Variants in CSNK1D observed in about 807,000 individuals in gnomAD.
CSNK1D encodes the protein casein kinase I isoform delta.
Under a neutral mutation model 46.6 loss-of-function variants are expected in CSNK1D, and 16 were observed. That is an observed-to-expected ratio of 0.34 (90% CI 0.23 to 0.52). CSNK1D has a LOEUF of 0.52. Among genes scored for constraint, CSNK1D ranks in the 20% least tolerant of loss-of-function variants. The pLI is 0.95. For synonymous variants in CSNK1D, 276 were observed against 228.2 expected (o/e 1.21, Z -1.89); for missense variants, 398 against 578.4 (o/e 0.69, Z 3.20).
chr17:82,253,285 G>T, intron 3 of CSNK1D, 41 bp from the exon 4 acceptor site: 1 of 1,507,446 alleles, frequency 6.6e-7, no homozygotes, highest in Non-Finnish European at 9.2e-7. Flanking sequence ...CCCCAGGGCA[G>T]TCTCAGGGAG....
chr17:82,241,877 G>C (rs891898584), downstream of CSNK1D, among the ~76,000 whole-genome samples: 1 of 152,230 alleles, frequency 6.6e-6, no homozygotes, highest in Non-Finnish European at 1.5e-5. Context: ...CACAGGCAGA[G>C]TTGGCGGGAC....
intron 2 of CSNK1D, among the ~76,000 whole-genome samples, chr17:82,261,633 A>G (rs1010990663): frequency 2.0e-5 from 3 of 152,248 alleles, no homozygotes; most frequent in African/African-American, 4.8e-5. Context: ...ACAAAGCAAC[A>G]AAAACTTACA....
At chr17:82,267,725 C>T (rs2051513871) in intron 1 of CSNK1D, among the ~76,000 whole-genome samples, 1 of 152,230 alleles carries the variant, frequency 6.6e-6, no homozygotes, top group South Asian at 2.1e-4. Flanking sequence ...CTCAACTCGC[C>T]AGCCGGGAGG....
downstream of CSNK1D, chr17:82,239,054 C>T (rs1275975973): frequency 7.1e-7 from 1 of 1,403,074 alleles, no homozygotes; most frequent in African/African-American, 1.4e-5. Flanking sequence ...ACAAACTGGA[C>T]TGGCTCAGGC....
In CSNK1D at chr17:82,249,515, C is replaced by T. The variant is rs1391596911; in HGVS notation, c.973G>A (p.Gly325Ser). ...CGGCCGGAGGCTGTGGAAGGGAGGC[C>T]GCGGGTAGCCGGGTTCCGCGAGTGT... ...LRHSRNPATRGLPSTASGRLR... is the reference protein window; with the variant it reads ...LRHSRNPATRSLPSTASGRLR... The change falls in exon 7 of 9, where the codon GGC (glycine) becomes AGC (serine). Residue 325 changes from glycine to serine, a missense_variant. Coordinates refer to ENST00000314028, the MANE Select transcript of CSNK1D (RefSeq NM_001893.6). The surrounding 1 kb of genome is among the most constrained non-coding windows in gnomAD (Gnocchi z 6.7). 6.5e-7 allele frequency: 1 copy of T among 1,544,358 alleles called. No individual in the cohort carries two copies. Among genetic ancestry groups the T allele is most frequent in the Non-Finnish European group, 8.7e-7 (1 of 1,146,900 alleles).
At chr17:82,272,237 G>C (rs1044554032) in intron 1 of CSNK1D, 4 of 152,700 alleles carry the variant, frequency 2.6e-5, no homozygotes, top group Non-Finnish European at 5.9e-5. Flanking sequence ...CCAGCTTTTC[G>C]GGAGGCTGAG....
At chr17:82,260,335 G>C (rs1568574855) in intron 2 of CSNK1D, among the ~76,000 whole-genome samples, 1 of 139,060 alleles carries the variant, frequency 7.2e-6, no homozygotes. Flanking sequence ...TGTGACTGAT[G>C]GTGTACTGAC....
intron 8 of CSNK1D, chr17:82,247,719 G>GTGCACGTAAGGGACCCA: frequency 8.1e-6 from 8 of 985,404 alleles, no homozygotes; most frequent in Non-Finnish European, 9.6e-6. Flanking sequence ...GCAGGGTTGT[G>GTGCACGTAAGGGACCCA]TGCACGTAAG....
In CSNK1D at chr17:82,248,588, C is replaced by G. The variant is rs571782473; in HGVS notation, c.1197+287G>C. Reference sequence around the variant, plus strand: ...CTGGGGACGGCTGCGGGCAGCGGGGCACTCAAACAGCAGGAGAAAGCCCCC... The same window carrying G: ...CTGGGGACGGCTGCGGGCAGCGGGGGACTCAAACAGCAGGAGAAAGCCCCC... On this transcript the variant is annotated intron_variant, in intron 8 of 8. Transcript: ENST00000314028. This position sits in a 1 kb window ranked among gnomAD's most constrained non-coding sequence, Gnocchi z 4.1. 1.1e-5 allele frequency: 14 copies of G among 1,276,430 alleles called. No homozygotes were observed. In the South Asian group the frequency reaches 2.0e-4, roughly 19 times the overall value. The allele number at this position is 1,276,430 out of a possible 1,614,324, so 79.1% of individuals were successfully genotyped here. A position where few individuals can be genotyped will look rare whatever the true frequency, so the allele number is the denominator to read the frequency against.
At chr17:82,253,399 A>G (rs2051064044) in intron 3 of CSNK1D, 155 bp from the exon 4 acceptor site, 13 of 714,274 alleles carry the variant, frequency 1.8e-5, no homozygotes, top group Non-Finnish European at 2.8e-5. Flanking sequence ...CGAACTGACC[A>G]AATTGTTCCC....
chr17:82,248,809 CA>C lies in CSNK1D; in HGVS notation c.1197+65del. The C allele has an allele frequency of 1.3e-6, 2 of 1,566,252 alleles. No homozygotes were observed. The highest frequency in any genetic ancestry group is 1.7e-6 in the Non-Finnish European group (2 of 1,155,978). On this transcript the variant is annotated intron_variant, in intron 8 of 8. Transcript: ENST00000314028. This position sits in a 1 kb window ranked among gnomAD's most constrained non-coding sequence, Gnocchi z 4.1. ...GAAAGAAGAAGCCCTGGAGAAACCA[CA>C]GCCCGCTCTTGACTCGGACGGGGTA...
intron 8 of CSNK1D, among the ~76,000 whole-genome samples, chr17:82,245,816 C>T (rs1019505084): frequency 6.6e-6 from 1 of 152,222 alleles, no homozygotes; most frequent in African/African-American, 2.4e-5. Context: ...CGGACTGCCG[C>T]CGCTCTGCAC....
In CSNK1D at chr17:82,273,289, G is replaced by A. The variant is rs747400396; in HGVS notation, c.76+17C>T. 6.3e-7 allele frequency: 1 copy of A among 1,590,766 alleles called. No individual in the cohort carries two copies. Among genetic ancestry groups the A allele is most frequent in the South Asian group, 1.1e-5 (1 of 90,288 alleles). Reference sequence around the variant, plus strand: ...GCCCGGGTCTTCGGGCGGCGGGCGGGGGCGGCGGGGCCTCACCGAGATAGA... The same window carrying A: ...GCCCGGGTCTTCGGGCGGCGGGCGGAGGCGGCGGGGCCTCACCGAGATAGA... On this transcript the variant is annotated intron_variant, in intron 1 of 8. Transcript: ENST00000314028. The surrounding 1 kb of genome is among the most constrained non-coding windows in gnomAD (Gnocchi z 5.1).
In CSNK1D at chr17:82,249,204, G is replaced by T; in HGVS notation, c.1058-190C>A. The T allele has an allele frequency of 1.3e-6, 1 of 791,066 alleles. No homozygotes were observed. Among genetic ancestry groups the T allele is most frequent in the Non-Finnish European group, 2.0e-6 (1 of 506,918 alleles). The allele number at this position is 791,066 out of a possible 1,614,324, so 49.0% of individuals were successfully genotyped here. On this transcript the variant is annotated intron_variant, in intron 7 of 8. Coordinates refer to ENST00000314028, the MANE Select transcript of CSNK1D (RefSeq NM_001893.6). The surrounding 1 kb of genome is among the most constrained non-coding windows in gnomAD (Gnocchi z 6.7). ...AAGGGACATGGGAGCGAGGTCAAGG[G>T]GCTCACAGGGGAGGAACGTGAGATG...
intron 2 of CSNK1D, chr17:82,261,039 GTTTC>G (rs2051327005): frequency 6.5e-6 from 1 of 154,816 alleles, no homozygotes; most frequent in African/African-American, 2.4e-5. Flanking sequence ...CACCTGGCCT[GTTTC>G]TTTTTCCTCC....
Position 82,265,786 on chromosome 17 carries a change from A to C in CSNK1D, c.87T>G (p.Ile29Met). Residue 29 changes from isoleucine (I) to methionine (M), a missense_variant, in exon 2 of 9, where the codon ATT (isoleucine) becomes ATG (methionine). By Grantham distance (10) the Ile-to-Met change is conservative. Around this residue, in one of 2 missense-constraint regions of CSNK1D, gnomAD observed 217 missense variants for 370.3 expected, o/e 0.59. Transcript: ENST00000314028. The stretch of plus-strand genomic sequence containing the variant: ...TGATGGCAACCTCTTCTCCTGCAGC[A>C]ATGTCCGTACCTTGGCAAAGAAAGA... ...SFGDIYLGTD[I>M]AAGEEVAIKL... 3.7e-6 allele frequency: 6 copies of C among 1,613,952 alleles called. No homozygotes were observed. The highest frequency in any genetic ancestry group is 5.1e-6 in the Non-Finnish European group (6 of 1,179,870).
In CSNK1D at chr17:82,244,779, TC is replaced by T. The variant is rs551846940; in HGVS notation, c.*1del. On this transcript the variant is annotated 3_prime_UTR_variant, in exon 9 of 9. Coordinates refer to ENST00000314028, the MANE Select transcript of CSNK1D (RefSeq NM_001893.6). ...TGCCCTTCACAGCAATAAGGAGAGT[TC>T]TCATCGGTGCACGACAGACTGAAGA... The T allele has an allele frequency of 1.1e-5, 17 of 1,613,812 alleles. No homozygotes were observed. The highest frequency in any genetic ancestry group is 1.4e-5 in the Non-Finnish European group (17 of 1,180,028).
intron 2 of CSNK1D, among the ~76,000 whole-genome samples, chr17:82,256,951 A>G (rs1272278510): frequency 6.6e-6 from 1 of 152,156 alleles, no homozygotes; most frequent in Non-Finnish European, 1.5e-5. Flanking sequence ...CAATTCATTT[A>G]AAAAATTGTT....
Position 82,243,816 on chromosome 17 carries a change from A to ACT in CSNK1D, c.*963_*964dup. 1.0e-6 allele frequency: 1 copy of ACT among 985,442 alleles called. No individual in the cohort carries two copies. The highest frequency in any genetic ancestry group is 1.2e-6 in the Non-Finnish European group (1 of 829,964). 61.0% of individuals were successfully genotyped at this position (985,442 alleles called of 1,614,324 possible). ...GTGCAAAGGCAGCAAGGCAACAAAC[A>ACT]CTACAGTAACCACCTCTCGGTTCAC... On this transcript the variant is annotated 3_prime_UTR_variant, in exon 9 of 9. Coordinates refer to ENST00000314028, the MANE Select transcript of CSNK1D (RefSeq NM_001893.6).
Sources: gnomAD v4.1 joint callset for allele counts (sites outside exome capture counted in the v4.1 genomes callset) on GRCh38, gnomAD v4.1.1 for gene constraint, gnomAD v4.1.1 regional missense constraint, Gnocchi (gnomAD v3.1) non-coding constraint, MANE v1.5 for transcripts, NCBI Gene and HGNC (gene_info 2026-07-23, HGNC 2026-07-21) for gene names.